Variants in FAM117A observed in about 807,000 individuals in gnomAD.
FAM117A encodes protein FAM117A.
A neutral mutation model predicts 44.1 loss-of-function variants in FAM117A; 21 were observed. The ratio of observed to expected loss-of-function variants is 0.48; its 90% CI spans 0.34 to 0.69. FAM117A has a LOEUF of 0.69. FAM117A is among the 30% of genes least tolerant of loss of function. The pLI, the probability that FAM117A is intolerant of heterozygous loss-of-function variation, is 0.01. For synonymous variants in FAM117A, 220 were observed against 238.3 expected, an observed-to-expected ratio of 0.92 and a Z score of 0.71; for missense variants, 498 against 589.9, an observed-to-expected ratio of 0.84 and a Z score of 1.61.
chr17:49,717,663 T>C lies in FAM117A; in HGVS notation c.760A>G (p.Ser254Gly). 2 of 1,613,892 alleles carry C rather than the reference T, an allele frequency of 1.2e-6. No homozygotes were observed. Among genetic ancestry groups the C allele is most frequent in the Non-Finnish European group, 1.7e-6 (2 of 1,179,832 alleles). ...HRAPAPPQSG[S>G]CDHPLLLLEP... ...AGGAGGAGGAGGGGATGATCACAGCTGCCACTCTGGGGAGGAGCTGGGGCC... is the reference window on the plus strand; with the variant it reads ...AGGAGGAGGAGGGGATGATCACAGCCGCCACTCTGGGGAGGAGCTGGGGCC... Residue 254 changes from serine (S) to glycine (G), a missense_variant, in exon 6 of 8, where the codon AGC becomes GGC. Coordinates refer to ENST00000240364, the MANE Select transcript of FAM117A (RefSeq NM_030802.4).
chr17:49,780,847 T>C (rs943654513), intron 1 of FAM117A, among the ~76,000 whole-genome samples: 1 of 152,142 alleles, frequency 6.6e-6, no homozygotes, highest in Non-Finnish European at 1.5e-5. Flanking sequence ...CCTTTTCTTT[T>C]TGAGATGGAG....
chr17:49,741,534 A>G (rs2073634535), intron 1 of FAM117A, among the ~76,000 whole-genome samples: 1 of 152,130 alleles, frequency 6.6e-6, no homozygotes, highest in Non-Finnish European at 1.5e-5. Flanking sequence ...TTTTTCAGTC[A>G]GTGATCTTCA....
rs2143702907 is a variant in FAM117A, at chr17:49,719,850, G to A, written c.618C>T (p.Leu206=). 6.2e-7 allele frequency: 1 copy of A among 1,608,138 alleles called. No homozygotes were observed. The highest frequency in any genetic ancestry group is 1.3e-5 in the African/African-American group (1 of 74,654). ...CCAGGCTCCTGTGCAGGCAGGGGCT[G>A]AGTCGCAAGACAGGGGACCCTGAGG... ...SFPSGSPVLR[L]SPCLHRSLEG... is the part of the protein sequence containing the mutation. The change falls in exon 5 of 8, where the codon CTC becomes CTT. Residue 206 remains leucine (L), a synonymous_variant. Transcript: ENST00000240364.
intron 1 of FAM117A, among the ~76,000 whole-genome samples, chr17:49,740,470 T>C (rs570154107): frequency 1.3e-3 from 195 of 152,292 alleles, no homozygotes; most frequent in Admixed American, 2.6e-3. Context: ...AGGATGGTCT[T>C]GATCTTCTGA....
chr17:49,733,443 T>C (rs927471315), intron 1 of FAM117A, among the ~76,000 whole-genome samples: 1 of 151,888 alleles, frequency 6.6e-6, no homozygotes, highest in Non-Finnish European at 1.5e-5. Flanking sequence ...CTTTGGGAGG[T>C]GGGCAGATCA....
chr17:49,738,342 T>C (rs766307420), intron 1 of FAM117A, among the ~76,000 whole-genome samples: 12 of 152,164 alleles, frequency 7.9e-5, no homozygotes, highest in Non-Finnish European at 2.9e-5. Flanking sequence ...CCATTAAGAC[T>C]CAGGACTCAG....
intron 1 of FAM117A, among the ~76,000 whole-genome samples, chr17:49,740,740 T>A (rs2073631096): frequency 6.6e-6 from 1 of 152,202 alleles, no homozygotes; most frequent in South Asian, 2.1e-4. Context: ...ACCACCAATT[T>A]GTCTCTGCTA....
At chr17:49,744,725 G>A (rs1293068719) in intron 1 of FAM117A, among the ~76,000 whole-genome samples, 1 of 151,504 alleles carries the variant, frequency 6.6e-6, no homozygotes, top group East Asian at 1.9e-4. Flanking sequence ...ATAATGACAA[G>A]ACAAGAAACC....
In FAM117A at chr17:49,734,667, A is replaced by T. The variant is rs148201314; in HGVS notation, c.197-1947T>A. On this transcript the variant is annotated intron_variant, in intron 1 of 7. Coordinates refer to ENST00000240364, the MANE Select transcript of FAM117A (RefSeq NM_030802.4). ...AAGGTTGGCAGTTCCTCAAAAAGTG[A>T]AACATAGAATTACCATATGACCCAG... is the stretch of plus-strand genomic sequence containing the variant. Among the ~76,000 whole-genome samples, 106 of 152,296 alleles carry T rather than the reference A, an allele frequency of 7.0e-4. 2 individuals are homozygous for T. The East Asian group carries it at 0.019, about 27-fold the overall frequency.
intron 1 of FAM117A, chr17:49,747,285 A>C (rs2073657900): frequency 6.6e-6 from 1 of 152,102 alleles, no homozygotes; most frequent in South Asian, 2.1e-4. Flanking sequence ...GTGGCTAGCC[A>C]CAAGCAGAAG....
chr17:49,722,673 G>A, intron 2 of FAM117A, 79 bp from the exon 3 acceptor site: 1 of 1,163,440 alleles, frequency 8.6e-7, no homozygotes, highest in Non-Finnish European at 1.3e-6. Context: ...TTTCTGGGTA[G>A]AGGTGATGGC....
At chr17:49,720,924 A>G (rs1165905494) in intron 3 of FAM117A, among the ~76,000 whole-genome samples, 27 of 152,110 alleles carry the variant, frequency 1.8e-4, no homozygotes, top group Non-Finnish European at 5.9e-5. Context: ...CATGTTGGCC[A>G]GGCTGGTCTT....
intron 1 of FAM117A, among the ~76,000 whole-genome samples, chr17:49,745,119 A>G (rs1207643840): frequency 1.3e-5 from 2 of 152,064 alleles, no homozygotes; most frequent in Non-Finnish European, 2.9e-5. Context: ...CAGATACAGA[A>G]CCCACAGATA....
chr17:49,752,010 C>T (rs550564371), intron 1 of FAM117A, among the ~76,000 whole-genome samples: 2 of 149,688 alleles, frequency 1.3e-5, no homozygotes, highest in Non-Finnish European at 3.0e-5. Flanking sequence ...AATCCCAGCA[C>T]TTTGGGAGGC....
upstream of FAM117A, chr17:49,789,063 C>G (rs551298235): frequency 4.7e-6 from 2 of 421,334 alleles, no homozygotes; most frequent in Non-Finnish European, 8.6e-6. Flanking sequence ...CTCTGCTTGC[C>G]TGGATCGGAG....
chr17:49,785,668 A>G (rs1436703845), intron 1 of FAM117A, among the ~76,000 whole-genome samples: 9 of 152,220 alleles, frequency 5.9e-5, no homozygotes, highest in African/African-American at 1.4e-4. Context: ...TGTTTCTATT[A>G]TCTGTTTGGG....
At chr17:49,760,445 C>G (rs2073718414) in intron 1 of FAM117A, among the ~76,000 whole-genome samples, 1 of 152,042 alleles carries the variant, frequency 6.6e-6, no homozygotes, top group African/African-American at 2.4e-5. Flanking sequence ...CAAAAGCAGC[C>G]CTAGACAATA....
intron 1 of FAM117A, among the ~76,000 whole-genome samples, chr17:49,762,947 A>G (rs2073727810): frequency 6.6e-6 from 1 of 152,160 alleles, no homozygotes; most frequent in Admixed American, 6.5e-5. Context: ...TGTTATTAAG[A>G]ACCCATTTCA....
In FAM117A at chr17:49,788,530, C is replaced by T. The variant is rs2073835415; in HGVS notation, c.-654G>A. ...AAATGGTTGGCTCCGGGTTCCACCA[C>T]TGGAGTCACTTTCTGCCCAACTTCA... On this transcript the variant is annotated 5_prime_UTR_variant, in exon 1 of 8. Coordinates refer to the FAM117A transcript ENST00000513602. 14 of 372,878 alleles carry T rather than the reference C, an allele frequency of 3.8e-5. No individual in the cohort carries two copies. The East Asian group carries it at 5.8e-4, about 16-fold the overall frequency. The allele number at this position is 372,878 out of a possible 1,614,324, so 23.1% of individuals were successfully genotyped here.
Sources: gnomAD v4.1 joint callset for allele counts (sites outside exome capture counted in the v4.1 genomes callset) on GRCh38, gnomAD v4.1.1 for gene constraint, MANE v1.5 for transcripts, NCBI Gene and HGNC (gene_info 2026-07-23, HGNC 2026-07-21) for gene names.